The following CNIH3 variants were observed in gnomAD, a reference collection of about 807,000 sequenced individuals.
The protein encoded by CNIH3 is cornichon family AMPA receptor auxiliary protein 3.
CNIH3 carries 14 observed loss-of-function variants against 24.1 expected under a neutral mutation model. The ratio of observed to expected loss-of-function variants is 0.58; its 90% CI spans 0.38 to 0.91. The LOEUF (loss-of-function observed/expected upper bound fraction) is 0.91, where lower values mean the gene tolerates loss of function less well. Among genes scored for constraint, CNIH3 ranks in the 40% least tolerant of loss-of-function variants. CNIH3 has a pLI of 0.00. For missense variants in CNIH3, 178 were observed against 196.8 expected (o/e 0.90, Z 0.57); for synonymous variants, 68 against 73.8 (o/e 0.92, Z 0.40).
intron 1 of CNIH3, among the ~76,000 whole-genome samples, chr1:224,437,739 T>C (rs1416229560): frequency 5.9e-5 from 9 of 152,184 alleles, no homozygotes; most frequent in Non-Finnish European, 1.3e-4. Flanking sequence ...AATTTTTGTT[T>C]CAATGACAGA....
intron 3 of CNIH3, among the ~76,000 whole-genome samples, chr1:224,562,167 A>G (rs1463982811): frequency 2.0e-5 from 3 of 152,184 alleles, no homozygotes; most frequent in East Asian, 3.9e-4. Context: ...AGTTTACTAG[A>G]TGAATTTATA....
intron 5 of CNIH3, among the ~76,000 whole-genome samples, chr1:224,585,488 T>TA (rs1681465606): frequency 6.6e-6 from 1 of 151,824 alleles, no homozygotes; most frequent in Non-Finnish European, 1.5e-5. Context: ...TTTTTTTTTT[T>TA]TTATTTTTGA....
chr1:224,633,619 T>C (rs967296826), intron 1 of CNIH3, among the ~76,000 whole-genome samples: 14 of 152,222 alleles, frequency 9.2e-5, no homozygotes, highest in African/African-American at 3.4e-4. Context: ...ACTCTGAATG[T>C]CTAAGGCTGA....
chr1:224,599,891 A>G, intron 3 of CNIH3, among the ~76,000 whole-genome samples: 1 of 152,176 alleles, frequency 6.6e-6, no homozygotes, highest in Non-Finnish European at 1.5e-5. Flanking sequence ...ATGAATATAA[A>G]ATTTCTAAAC....
chr1:224,438,067 C>T (rs1382216345), intron 1 of CNIH3, among the ~76,000 whole-genome samples: 2 of 152,030 alleles, frequency 1.3e-5, no homozygotes, highest in East Asian at 3.8e-4. Flanking sequence ...CAACCACCAC[C>T]ACACCCGGCT....
intron 1 of CNIH3, among the ~76,000 whole-genome samples, chr1:224,481,995 G>T (rs1411135360): frequency 6.6e-6 from 1 of 152,090 alleles, no homozygotes; most frequent in African/African-American, 2.4e-5. Flanking sequence ...TCCCCAGCAG[G>T]CAGAGGAGTC....
At chr1:224,434,975 C>G in intron 1 of CNIH3, 1 of 985,610 alleles carries the variant, frequency 1.0e-6, no homozygotes. Flanking sequence ...CATCCACGAC[C>G]CCGACTCCTA....
downstream of CNIH3, among the ~76,000 whole-genome samples, chr1:224,592,360 T>C (rs1473282218): frequency 2.6e-5 from 4 of 152,002 alleles, no homozygotes; most frequent in Non-Finnish European, 4.4e-5. Flanking sequence ...TCAGGACATA[T>C]TGAAGTCAGT....
intron 1 of CNIH3, among the ~76,000 whole-genome samples, chr1:224,454,902 C>T (rs1374509364): frequency 1.3e-5 from 2 of 152,118 alleles, no homozygotes; most frequent in Admixed American, 1.3e-4. Flanking sequence ...TCTGACTCAC[C>T]TACTTAAAGC....
At chr1:224,634,750 A>T (rs2125083569) in intron 1 of CNIH3, among the ~76,000 whole-genome samples, 1 of 152,210 alleles carries the variant, frequency 6.6e-6, no homozygotes, top group South Asian at 2.1e-4. Context: ...CTTCCTAAGA[A>T]ATGCCCCCCT....
intron 3 of CNIH3, among the ~76,000 whole-genome samples, chr1:224,685,514 A>G (rs1226362674): frequency 6.6e-6 from 1 of 152,210 alleles, no homozygotes; most frequent in Non-Finnish European, 1.5e-5. Flanking sequence ...TTTTTGCAGC[A>G]AAATATGGAG....
At chr1:224,461,209 G>C (rs1054666538) in intron 1 of CNIH3, among the ~76,000 whole-genome samples, 1 of 151,896 alleles carries the variant, frequency 6.6e-6, no homozygotes, top group South Asian at 2.1e-4. Context: ...TTCCATGTTG[G>C]CCAAGCTGGT....
intron 1 of CNIH3, among the ~76,000 whole-genome samples, chr1:224,641,257 G>C: frequency 6.6e-6 from 1 of 152,184 alleles, no homozygotes; most frequent in African/African-American, 2.4e-5. Flanking sequence ...GGGAGGGGAA[G>C]AGAAGTTTCC....
chr1:224,575,804 A>G (rs1012556317), intron 4 of CNIH3, among the ~76,000 whole-genome samples: 13 of 152,170 alleles, frequency 8.5e-5, no homozygotes, highest in African/African-American at 1.9e-4. Flanking sequence ...AATATGTAGC[A>G]AAGTAGAATA....
intron 1 of CNIH3, among the ~76,000 whole-genome samples, chr1:224,672,763 C>G (rs12144488): frequency 0.22 from 32,873 of 152,098 alleles, 3,609 homozygotes; most frequent in East Asian, 0.26. Context: ...GGTCACTATT[C>G]AACACACAAC....
Position 224,478,617 on chromosome 1 carries a change from A to G in CNIH3, n.204-37124A>G, listed in dbSNP as rs180927407. Among the ~76,000 whole-genome samples the G allele has an allele frequency of 1.8e-4, 28 of 152,304 alleles. No individual in the cohort carries two copies. In the East Asian group the frequency reaches 4.6e-3, roughly 25 times the overall value. On this transcript the variant is annotated intron_variant and non_coding_transcript_variant, in intron 1 of 5. Transcript: ENST00000471578. ...TATTTTGAATTCCGTCTGAAAGGTC[A>G]CATATCTCTGTCTCTCTGGGATTGG...
intron 3 of CNIH3, among the ~76,000 whole-genome samples, chr1:224,725,687 G>C (rs905145159): frequency 6.6e-6 from 1 of 152,202 alleles, no homozygotes; most frequent in Admixed American, 6.5e-5. Flanking sequence ...CATGATGAGA[G>C]CCAGGAGCAG....
At chr1:224,595,758 A>G (rs1482426452) in intron 3 of CNIH3, among the ~76,000 whole-genome samples, 1 of 152,230 alleles carries the variant, frequency 6.6e-6, no homozygotes, top group African/African-American at 2.4e-5. Context: ...CACACAAATG[A>G]TAAGAAAGCA....
In CNIH3 at chr1:224,672,935, A is replaced by T. The variant is rs115158880; in HGVS notation, c.82-8023A>T. Among the ~76,000 whole-genome samples, 789 of 152,322 alleles carry T rather than the reference A, an allele frequency of 5.2e-3. 10 individuals are homozygous for T. The highest frequency in any genetic ancestry group is 0.018 in the African/African-American group (735 of 41,570). ...GTGCCCACTCATTAGAAAACTGCGC[A>T]GCTTTTCCCAGTGCCCAAATGCTCT... On this transcript the variant is annotated intron_variant, in intron 1 of 5. Transcript: ENST00000272133.
Sources: gnomAD v4.1 joint callset for allele counts (sites outside exome capture counted in the v4.1 genomes callset) on GRCh38, gnomAD v4.1.1 for gene constraint, MANE v1.5 for transcripts, NCBI Gene and HGNC (gene_info 2026-07-23, HGNC 2026-07-21) for gene names.